The following SLC22A23 variants were observed in gnomAD, a reference collection of about 807,000 sequenced individuals.
SLC22A23 encodes the protein solute carrier family 22 member 23.
A neutral mutation model predicts 61.0 loss-of-function variants in SLC22A23; 26 were observed. That is an observed-to-expected ratio of 0.43 (90% CI 0.31 to 0.59). SLC22A23 has a LOEUF of 0.59. SLC22A23 is among the 20% of genes least tolerant of loss of function. The pLI, the probability that SLC22A23 is intolerant of heterozygous loss-of-function variation, is 0.11. For synonymous variants in SLC22A23, 430 were observed against 413.9 expected (o/e 1.04, Z -0.47); for missense variants, 796 against 934.7 (o/e 0.85, Z 1.94).
At chr6:3,326,295 C>T (rs935337245) in intron 3 of SLC22A23, among the ~76,000 whole-genome samples, 3 of 152,166 alleles carry the variant, frequency 2.0e-5, no homozygotes, top group Non-Finnish European at 2.9e-5. Context: ...AACAAGTGGT[C>T]GGCGTGGCCC....
chr6:3,366,269 G>C (rs992897339), intron 3 of SLC22A23, among the ~76,000 whole-genome samples: 1 of 140,208 alleles, frequency 7.1e-6, no homozygotes, highest in Admixed American at 7.5e-5. Flanking sequence ...GGAGGTGGAA[G>C]TTGCAGTGAG....
chr6:3,397,029 A>C (rs1161017160), intron 3 of SLC22A23, among the ~76,000 whole-genome samples: 1 of 152,178 alleles, frequency 6.6e-6, no homozygotes, highest in East Asian at 1.9e-4. Flanking sequence ...CCGGGGCTTC[A>C]GGAGCTGTAA....
rs879621813 is a variant in SLC22A23 at position 3,269,066 on chromosome 6, A to C, written c.*3989T>G. On this transcript the variant is annotated 3_prime_UTR_variant, in exon 10 of 10. Coordinates refer to ENST00000406686, the MANE Select transcript of SLC22A23 (RefSeq NM_015482.2). ...TTGGGTTACCAGTCTTTCCTCACAG[A>C]ATCACAGTGTAAGATATTCATTTCT... 6 of 152,376 alleles carry C rather than the reference A, an allele frequency of 3.9e-5. No individual in the cohort carries two copies. The highest frequency in any genetic ancestry group is 8.8e-5 in the Non-Finnish European group (6 of 68,046). The allele number at this position is 152,376 out of a possible 1,614,324, so 9.4% of individuals were successfully genotyped here.
At chr6:3,413,394 C>A (rs918953742) in intron 2 of SLC22A23, among the ~76,000 whole-genome samples, 1 of 152,218 alleles carries the variant, frequency 6.6e-6, no homozygotes, top group Non-Finnish European at 1.5e-5. Flanking sequence ...TGGCCACACT[C>A]GGCCAGGAGC....
chr6:3,285,447 A>G (rs188102439), intron 7 of SLC22A23, among the ~76,000 whole-genome samples: 1 of 152,332 alleles, frequency 6.6e-6, no homozygotes, highest in African/African-American at 2.4e-5. Flanking sequence ...CCTGCATTCA[A>G]GCTGCGTCAA....
intron 3 of SLC22A23, among the ~76,000 whole-genome samples, chr6:3,393,775 C>G (rs11242854): frequency 0.5 from 75,389 of 152,128 alleles, 19,199 homozygotes; most frequent in African/African-American, 0.59. Context: ...AGCTTCTCAG[C>G]GGGTAATTAT....
chr6:3,324,232 A>G lies in SLC22A23; in HGVS notation c.914-230T>C. ...TTCAAGGCCACAGGGCTAGTCGATG[A>G]CGAAGGGATGCTATAATTCAGAGGA... On this transcript the variant is annotated intron_variant, in intron 3 of 9. Transcript: ENST00000406686. This position sits in a 1 kb window ranked among gnomAD's most constrained non-coding sequence, Gnocchi z 4.3. 1.8e-6 allele frequency: 1 copy of G among 559,756 alleles called. No individual in the cohort carries two copies. The highest frequency in any genetic ancestry group is 3.2e-6 in the Non-Finnish European group (1 of 314,052). The allele number at this position is 559,756 out of a possible 1,614,324, so 34.7% of individuals were successfully genotyped here. A position where few individuals can be genotyped will look rare whatever the true frequency, so the allele number is the denominator to read the frequency against.
At chr6:3,296,224 G>A (rs9392475) in intron 5 of SLC22A23, among the ~76,000 whole-genome samples, 27,081 of 152,200 alleles carry the variant, frequency 0.18, 3,915 homozygotes, top group African/African-American at 0.39. Flanking sequence ...GCATGGCCCC[G>A]CTGGAGAAAC....
intron 3 of SLC22A23, among the ~76,000 whole-genome samples, chr6:3,399,228 C>T (rs984395433): frequency 4.6e-5 from 7 of 152,088 alleles, no homozygotes; most frequent in African/African-American, 1.7e-4. Context: ...TCAGAGGGGA[C>T]CACGAACTCA....
intron 1 of SLC22A23, among the ~76,000 whole-genome samples, chr6:3,435,926 G>C (rs1771181929): frequency 6.6e-6 from 1 of 152,192 alleles, no homozygotes. Flanking sequence ...GACGCCATCT[G>C]CAAGCCAAGG....
At chr6:3,299,998 C>CTTTTTTTTTTTTTTTTT (rs869114176) in intron 4 of SLC22A23, among the ~76,000 whole-genome samples, 6 of 78,802 alleles carry the variant, frequency 7.6e-5, no homozygotes, top group East Asian at 5.7e-4. Flanking sequence ...TCAGGATAGA[C>CTTTTTTTTTTTTTTTTT]TTTTTTTTTT....
At chr6:3,347,850 C>A (rs1273528144) in intron 3 of SLC22A23, among the ~76,000 whole-genome samples, 3 of 152,212 alleles carry the variant, frequency 2.0e-5, no homozygotes, top group Non-Finnish European at 4.4e-5. Flanking sequence ...GTCTGCCCTG[C>A]CCTCAGGCTG....
rs183934127 is a variant in SLC22A23, at chr6:3,421,919, T to C, written c.655-6064A>G. Among the ~76,000 whole-genome samples, 5 of 152,238 alleles carry C rather than the reference T, an allele frequency of 3.3e-5. No individual in the cohort carries two copies. In the South Asian group the frequency reaches 6.2e-4, roughly 19 times the overall value. ...TTCACAGCCTGAAGGTTAAGCACGT[T>C]AATGCTCACTGACTAAAGCGAAAAG... On this transcript the variant is annotated intron_variant, in intron 1 of 9. Transcript: ENST00000406686.
chr6:3,376,870 C>A (rs935280952), intron 3 of SLC22A23, among the ~76,000 whole-genome samples: 2 of 151,972 alleles, frequency 1.3e-5, no homozygotes, highest in South Asian at 2.1e-4. Flanking sequence ...AGAAAAAGGG[C>A]CTTCTGAGTT....
At chr6:3,378,211 G>T (rs1766709128) in intron 3 of SLC22A23, among the ~76,000 whole-genome samples, 1 of 152,150 alleles carries the variant, frequency 6.6e-6, no homozygotes, top group African/African-American at 2.4e-5. Context: ...GAAGCCTTTG[G>T]TCGTTTTCCC....
At chr6:3,339,165 A>G (rs1307713917) in intron 3 of SLC22A23, among the ~76,000 whole-genome samples, 1 of 152,230 alleles carries the variant, frequency 6.6e-6, no homozygotes, top group Non-Finnish European at 1.5e-5. Flanking sequence ...CCTCCTACCA[A>G]TCAGGATTTC....
chr6:3,285,041 T>C (rs776909494), intron 8 of SLC22A23, 38 bp downstream of exon 8: 19 of 1,609,552 alleles, frequency 1.2e-5, no homozygotes, highest in Non-Finnish European at 1.6e-5. Flanking sequence ...AGATGTAATA[T>C]GAGACGAGGA....
intron 3 of SLC22A23, among the ~76,000 whole-genome samples, chr6:3,409,253 T>A (rs943984113): frequency 6.6e-6 from 1 of 152,226 alleles, no homozygotes; most frequent in African/African-American, 2.4e-5. Flanking sequence ...TAGAAGAATA[T>A]ACCGGTAGCC....
chr6:3,300,211 A>G (rs545987702), intron 4 of SLC22A23, among the ~76,000 whole-genome samples: 2 of 152,028 alleles, frequency 1.3e-5, no homozygotes, highest in South Asian at 4.2e-4. Context: ...GGGTTTCACC[A>G]TGTTGGTCAG....
Sources: gnomAD v4.1 joint callset for allele counts (sites outside exome capture counted in the v4.1 genomes callset) on GRCh38, gnomAD v4.1.1 for gene constraint, Gnocchi (gnomAD v3.1) non-coding constraint, MANE v1.5 for transcripts, NCBI Gene and HGNC (gene_info 2026-07-23, HGNC 2026-07-21) for gene names.